Variants in BZW2 observed in about 807,000 individuals in gnomAD.
BZW2 encodes eIF5-mimic protein 1.
A neutral mutation model predicts 53.2 loss-of-function variants in BZW2; 23 were observed. The observed-to-expected ratio is 0.43, with a 90% confidence interval of 0.31 to 0.61. The LOEUF (loss-of-function observed/expected upper bound fraction) is 0.61, where lower values mean the gene tolerates loss of function less well. Among genes scored for constraint, BZW2 ranks in the 20% least tolerant of loss-of-function variants. The pLI, the probability that BZW2 is intolerant of heterozygous loss-of-function variation, is 0.09. For missense variants in BZW2, 409 were observed against 503.1 expected (o/e 0.81, Z 1.79); for synonymous variants, 227 against 186.4 (o/e 1.22, Z -1.77).
chr7:16,666,599 C>T (rs1398040761), intron 2 of BZW2, among the ~76,000 whole-genome samples: 1 of 152,072 alleles, frequency 6.6e-6, no homozygotes, highest in Admixed American at 6.5e-5. Context: ...GACGGGGTTT[C>T]ACCATATTGG....
In BZW2 at chr7:16,674,593, A is replaced by G; in HGVS notation, c.235+5A>G. 1 of 1,573,606 alleles carries G rather than the reference A, an allele frequency of 6.4e-7. No homozygotes were observed. The highest frequency in any genetic ancestry group is 8.6e-7 in the Non-Finnish European group (1 of 1,159,378). ...TGGTGGCTGGCAGTATGCTTGGTAA[A>G]CCATGCATTATCGCTTCTTGTAGTA... On this transcript the variant is annotated splice_donor_5th_base_variant and intron_variant, in intron 3 of 11. Coordinates refer to ENST00000258761, the MANE Select transcript of BZW2 (RefSeq NM_014038.3).
Position 16,646,213 on chromosome 7 carries a change from TG to T in BZW2, c.-82del. On this transcript the variant is annotated 5_prime_UTR_variant, in exon 1 of 12. Transcript: ENST00000258761. The stretch of plus-strand genomic sequence containing the variant: ...CATTGTCTGCCGCCACTGCTGCTGC[TG>T]CTGCTGCTGCCGCTGCTGCTGCACG... The T allele has an allele frequency of 2.9e-6, 1 of 345,534 alleles. No individual in the cohort carries two copies. Among genetic ancestry groups the T allele is most frequent in the Non-Finnish European group, 5.9e-6 (1 of 169,748 alleles). The allele number at this position is 345,534 out of a possible 1,614,324, so 21.4% of individuals were successfully genotyped here.
chr7:16,659,782 A>G (rs530710484), intron 1 of BZW2, among the ~76,000 whole-genome samples: 20 of 152,160 alleles, frequency 1.3e-4, no homozygotes, highest in Middle Eastern at 3.4e-3. Flanking sequence ...TGTTGTTATT[A>G]TATCTTTATG....
chr7:16,702,241 C>T (rs910248818), intron 10 of BZW2, among the ~76,000 whole-genome samples: 4 of 152,066 alleles, frequency 2.6e-5, no homozygotes, highest in Non-Finnish European at 5.9e-5. Flanking sequence ...CAGACCTTTC[C>T]TTTCACTAAA....
chr7:16,696,404 A>G (rs958549247), intron 8 of BZW2, among the ~76,000 whole-genome samples: 1 of 152,254 alleles, frequency 6.6e-6, no homozygotes, highest in African/African-American at 2.4e-5. Flanking sequence ...CTTTGCACTT[A>G]CAATTTATTT....
At chr7:16,651,005 C>T (rs1246830400) in intron 1 of BZW2, among the ~76,000 whole-genome samples, 2 of 151,954 alleles carry the variant, frequency 1.3e-5, no homozygotes, top group African/African-American at 4.8e-5. Flanking sequence ...TAGGTGTTTC[C>T]ATTGATGTTT....
chr7:16,652,424 A>G (rs994604656), intron 1 of BZW2, among the ~76,000 whole-genome samples: 2 of 152,140 alleles, frequency 1.3e-5, no homozygotes, highest in Non-Finnish European at 2.9e-5. Flanking sequence ...ACCTCCATGA[A>G]ATTTGCCTGA....
At position 16,698,112 on chromosome 7, in the gene BZW2, A is replaced by G. The variant is rs755580498; in HGVS notation, c.1034A>G (p.Lys345Arg). 11 of 1,614,180 alleles carry G rather than the reference A, an allele frequency of 6.8e-6. No individual in the cohort carries two copies. The South Asian group carries it at 1.2e-4, about 18-fold the overall frequency. ...CAGTCAGAGCTGATCCTCCTCCAGA[A>G]GGTTCAGGAATACTGCTACGACAAC... Reference protein sequence around the residue: ...QGQSELILLQKVQEYCYDNIH... With the variant: ...QGQSELILLQRVQEYCYDNIH... Residue 345 changes from lysine to arginine, a missense_variant, in exon 10 of 12, where the codon AAG becomes AGG. Lys to Arg is a conservative substitution (Grantham distance 26). Coordinates refer to ENST00000258761, the MANE Select transcript of BZW2 (RefSeq NM_014038.3).
In BZW2 at chr7:16,646,263, C is replaced by A; in HGVS notation, c.-33C>A. 1 of 283,330 alleles carries A rather than the reference C, an allele frequency of 3.5e-6. No individual in the cohort carries two copies. The highest frequency in any genetic ancestry group is 7.2e-6 in the Non-Finnish European group (1 of 139,678). 17.6% of individuals were successfully genotyped at this position (283,330 alleles called of 1,614,324 possible). A position where few individuals can be genotyped will look rare whatever the true frequency, so the allele number is the denominator to read the frequency against. On this transcript the variant is annotated 5_prime_UTR_variant, in exon 1 of 12. Coordinates refer to ENST00000258761, the MANE Select transcript of BZW2 (RefSeq NM_014038.3). Reference sequence around the variant, plus strand: ...CGAATCGCCGCAGCCCCCAGCCTTGCGCGTCGTCGCTACCTCCTCGGACAG... The same window carrying A: ...CGAATCGCCGCAGCCCCCAGCCTTGAGCGTCGTCGCTACCTCCTCGGACAG...
At chr7:16,647,519 C>T (rs1034468705) in intron 1 of BZW2, among the ~76,000 whole-genome samples, 1 of 152,168 alleles carries the variant, frequency 6.6e-6, no homozygotes, top group Non-Finnish European at 1.5e-5. Context: ...AGCTGTTTTT[C>T]CCCCCTAAAG....
intron 3 of BZW2, among the ~76,000 whole-genome samples, chr7:16,675,955 C>T (rs1167048952): frequency 6.6e-6 from 1 of 152,118 alleles, no homozygotes; most frequent in Non-Finnish European, 1.5e-5. Context: ...GTGGCGGCTG[C>T]CTGTAATCCC....
chr7:16,678,437 A>G (rs1325681456), intron 3 of BZW2, among the ~76,000 whole-genome samples: 1 of 152,216 alleles, frequency 6.6e-6, no homozygotes, highest in Non-Finnish European at 1.5e-5. Flanking sequence ...TTCTACCTTG[A>G]GAAAAACAGC....
intron 10 of BZW2, among the ~76,000 whole-genome samples, chr7:16,699,716 C>T (rs545162216): frequency 1.3e-5 from 2 of 152,110 alleles, no homozygotes; most frequent in African/African-American, 2.4e-5. Flanking sequence ...CCCATTGTTA[C>T]GGGAAATGAC....
At chr7:16,686,662 T>A (rs1310988954) in intron 6 of BZW2, 1 of 152,232 alleles carries the variant, frequency 6.6e-6, no homozygotes, top group Non-Finnish European at 1.5e-5. Flanking sequence ...CACAAAACAG[T>A]TATTTTTCCT....
At chr7:16,688,262 T>C (rs1451100509) in intron 6 of BZW2, among the ~76,000 whole-genome samples, 2 of 152,214 alleles carry the variant, frequency 1.3e-5, no homozygotes, top group Admixed American at 6.5e-5. Context: ...TTTCTCCTGT[T>C]ATCATTCATA....
Position 16,685,412 on chromosome 7 carries a change from G to GTT in BZW2, c.406-482_406-481dup, listed in dbSNP as rs553560253. ...AAAAGCTTAACTTCGACTCTTTCCT[G>GTT]TTTTTTTTTTTTGTTTGTGTGGGGC... is the stretch of plus-strand genomic sequence containing the variant. On this transcript the variant is annotated intron_variant, in intron 5 of 11. Coordinates refer to ENST00000258761, the MANE Select transcript of BZW2 (RefSeq NM_014038.3). 7.3e-3 allele frequency among the ~76,000 whole-genome samples: 1,034 copies of GTT among 141,936 alleles called. 10 individuals are homozygous for GTT. The highest frequency in any genetic ancestry group is 0.025 in the African/African-American group (968 of 38,952). 93.1% of individuals were successfully genotyped at this position (141,936 alleles called of 152,430 possible). A position where few individuals can be genotyped will look rare whatever the true frequency, so the allele number is the denominator to read the frequency against.
chr7:16,688,764 A>T (rs1472974190), intron 6 of BZW2, among the ~76,000 whole-genome samples: 2 of 152,204 alleles, frequency 1.3e-5, no homozygotes, highest in African/African-American at 4.8e-5. Context: ...TCTTCTTGTT[A>T]TCTGATTATT....
At chr7:16,672,445 C>T (rs1224087321) in intron 2 of BZW2, among the ~76,000 whole-genome samples, 1 of 151,440 alleles carries the variant, frequency 6.6e-6, no homozygotes, top group South Asian at 2.1e-4. Context: ...TTTTTATTTC[C>T]AAGAACTCTT....
chr7:16,654,101 A>G (rs1418452022), intron 1 of BZW2, among the ~76,000 whole-genome samples: 1 of 150,360 alleles, frequency 6.7e-6, no homozygotes, highest in African/African-American at 2.4e-5. Context: ...AAAAAAAAAA[A>G]AAAAAAAAAA....
Sources: allele counts gnomAD v4.1 joint callset (sites outside exome capture counted in the v4.1 genomes callset), GRCh38; gene constraint gnomAD v4.1.1; transcripts MANE v1.5; gene names NCBI Gene and HGNC (gene_info 2026-07-23, HGNC 2026-07-21).